The following SGCD variants were observed in gnomAD, a reference collection of about 807,000 sequenced individuals.
SGCD encodes the protein sarcoglycan delta.
Under a neutral mutation model 36.6 loss-of-function variants are expected in SGCD, and 18 were observed. That is an observed-to-expected ratio of 0.49 (90% CI 0.34 to 0.73). SGCD has a LOEUF of 0.73. Ranked by LOEUF, SGCD falls within the 30% of genes least tolerant of loss-of-function variation. SGCD has a pLI of 0.01. For missense variants in SGCD, 387 were observed against 346.7 expected (o/e 1.12, Z -0.92); for synonymous variants, 133 against 130.6 (o/e 1.02, Z -0.12).
At chr5:156,286,595 G>A (rs376698319) in intron 3 of SGCD, among the ~76,000 whole-genome samples, 1 of 152,072 alleles carries the variant, frequency 6.6e-6, no homozygotes, top group Admixed American at 6.6e-5. Flanking sequence ...AACACCGCAT[G>A]TTCTCACTCA....
At chr5:155,728,238 G>C in the SGCD span, among the ~76,000 whole-genome samples, 32,955 of 151,962 alleles carry the variant, frequency 0.22, 4,659 homozygotes, top group East Asian at 0.4. Context: ...CGCGCACACC[G>C]GGACTCCGGC....
the SGCD span, among the ~76,000 whole-genome samples, chr5:155,779,855 G>T: frequency 1.3e-5 from 2 of 152,072 alleles, no homozygotes; most frequent in African/African-American, 4.8e-5. Flanking sequence ...GGTATGAAGG[G>T]ATATCATATT....
intron 3 of SGCD, among the ~76,000 whole-genome samples, chr5:156,214,996 A>G (rs1225648114): frequency 6.6e-6 from 1 of 152,078 alleles, no homozygotes; most frequent in Non-Finnish European, 1.5e-5. Flanking sequence ...TAAAACTACT[A>G]CAAGTTGAGC....
rs11364707 is a variant in SGCD at position 156,569,606 on chromosome 5, C to CA, written c.295-19611dup. On this transcript the variant is annotated intron_variant, in intron 4 of 8. Transcript: ENST00000337851. ...ATATTGATTTTTTGAGACCCTGTCTCAAAAAAAAAAAAAATAGACAATCAG... is the reference window on the plus strand; with the variant it reads ...ATATTGATTTTTTGAGACCCTGTCTCAAAAAAAAAAAAAAATAGACAATCAG... 7.9e-3 allele frequency among the ~76,000 whole-genome samples: 978 copies of CA among 124,514 alleles called. 9 individuals are homozygous for CA. The highest frequency in any genetic ancestry group is 0.043 in the East Asian group (175 of 4,068). 81.7% of individuals were successfully genotyped at this position (124,514 alleles called of 152,430 possible).
chr5:155,878,997 G>C (rs1479807514), intron 1 of SGCD, among the ~76,000 whole-genome samples: 1 of 151,900 alleles, frequency 6.6e-6, no homozygotes, highest in Non-Finnish European at 1.5e-5. Flanking sequence ...ACATTGTGAA[G>C]ATTTACATTT....
intron 4 of SGCD, among the ~76,000 whole-genome samples, chr5:156,515,603 C>T (rs1240096970): frequency 6.6e-6 from 1 of 152,220 alleles, no homozygotes; most frequent in Admixed American, 6.5e-5. Context: ...TTGTGCTACC[C>T]TGCCAAGGAA....
At position 155,905,613 on chromosome 5, in the gene SGCD, G is replaced by T. The variant is rs975008524; in HGVS notation, c.-282+35189G>T. Among the ~76,000 whole-genome samples, 3 of 152,102 alleles carry T rather than the reference G, an allele frequency of 2.0e-5. No homozygotes were observed. The East Asian group carries it at 5.8e-4, about 29-fold the overall frequency. On this transcript the variant is annotated intron_variant, in intron 1 of 9. Transcript: ENST00000517913. ...CTTTATTGTGTGATATGGTTTGGCTGTGTCCCCAGCCAAGTCTCAGCTTGA... is the reference window on the plus strand; with the variant it reads ...CTTTATTGTGTGATATGGTTTGGCTTTGTCCCCAGCCAAGTCTCAGCTTGA...
intron 6 of SGCD, among the ~76,000 whole-genome samples, chr5:156,614,863 A>G (rs1473303037): frequency 6.6e-6 from 1 of 151,996 alleles, no homozygotes; most frequent in East Asian, 1.9e-4. Flanking sequence ...TTTCTCCCCT[A>G]ATTTTCCTTA....
chr5:155,812,996 A>G, the SGCD span, among the ~76,000 whole-genome samples: 71,346 of 151,746 alleles, frequency 0.47, 17,099 homozygotes, highest in Admixed American at 0.64. Context: ...GTCTTTGGGC[A>G]TCTTATTTTT....
intron 3 of SGCD, among the ~76,000 whole-genome samples, chr5:156,497,039 G>A (rs1443989120): frequency 2.0e-5 from 3 of 152,122 alleles, no homozygotes; most frequent in Non-Finnish European, 2.9e-5. Context: ...CATATGAAGA[G>A]CATGAGCCTT....
At chr5:155,806,386 C>T in the SGCD span, among the ~76,000 whole-genome samples, 1 of 152,148 alleles carries the variant, frequency 6.6e-6, no homozygotes, top group Admixed American at 6.5e-5. Flanking sequence ...AACTCCTGAC[C>T]TCGTGATCCA....
intron 3 of SGCD, among the ~76,000 whole-genome samples, chr5:156,297,106 T>C (rs1005641336): frequency 6.6e-6 from 1 of 151,914 alleles, no homozygotes; most frequent in Non-Finnish European, 1.5e-5. Flanking sequence ...TCAGGGTAAA[T>C]GGGGTATTCG....
chr5:156,592,285 GTCAT>G (rs200082186), intron 5 of SGCD, among the ~76,000 whole-genome samples: 1 of 151,956 alleles, frequency 6.6e-6, no homozygotes, highest in East Asian at 1.9e-4. Context: ...CCATCCTGAG[GTCAT>G]TCATTCATTC....
At chr5:156,026,844 A>G (rs562121540) in intron 1 of SGCD, among the ~76,000 whole-genome samples, 1 of 152,288 alleles carries the variant, frequency 6.6e-6, no homozygotes, top group Non-Finnish European at 1.5e-5. Context: ...ATGAAGGGCC[A>G]AATAGTAAAT....
intron 7 of SGCD, among the ~76,000 whole-genome samples, chr5:156,739,221 G>A (rs1473009061): frequency 6.6e-6 from 1 of 152,070 alleles, no homozygotes; most frequent in Non-Finnish European, 1.5e-5. Context: ...ATCATACCAA[G>A]AAGGGAAAGA....
At chr5:156,582,359 C>T (rs757543414) in intron 4 of SGCD, among the ~76,000 whole-genome samples, 1 of 152,182 alleles carries the variant, frequency 6.6e-6, no homozygotes, top group Non-Finnish European at 1.5e-5. Context: ...TTTTGTACTG[C>T]TCTTTTATAG....
intron 3 of SGCD, among the ~76,000 whole-genome samples, chr5:156,432,611 G>A (rs191886460): frequency 6.6e-5 from 10 of 152,282 alleles, no homozygotes; most frequent in Admixed American, 2.6e-4. Context: ...TCTGAGCACA[G>A]ACTCTCTCTC....
At chr5:156,434,930 T>C (rs1238604001) in intron 3 of SGCD, among the ~76,000 whole-genome samples, 1 of 152,242 alleles carries the variant, frequency 6.6e-6, no homozygotes, top group Non-Finnish European at 1.5e-5. Flanking sequence ...AAGCAAGTCA[T>C]CTTGCTTCAT....
intron 1 of SGCD, among the ~76,000 whole-genome samples, chr5:155,921,021 A>G (rs1160130346): frequency 6.6e-6 from 1 of 152,136 alleles, no homozygotes; most frequent in Non-Finnish European, 1.5e-5. Context: ...GAGAAGATGG[A>G]CTAGAACAGG....
Sources: allele counts gnomAD v4.1 joint callset (sites outside exome capture counted in the v4.1 genomes callset), GRCh38; gene constraint gnomAD v4.1.1; transcripts MANE v1.5; gene names NCBI Gene and HGNC (gene_info 2026-07-23, HGNC 2026-07-21).